SPCS2: variants seen among roughly 807,000 people sequenced by gnomAD.
The protein encoded by SPCS2 is SPase 25 kDa subunit.
In SPCS2, 3 loss-of-function variants were observed where a neutral mutation model predicts 22.3. That is an observed-to-expected ratio of 0.13 (90% CI 0.06 to 0.35). SPCS2 has a LOEUF of 0.35. Among genes scored for constraint, SPCS2 ranks in the 10% least tolerant of loss-of-function variants. The pLI is 1.00. For synonymous variants in SPCS2, 67 were observed against 97.2 expected, an observed-to-expected ratio of 0.69 and a Z score of 1.83; for missense variants, 169 against 280.9, an observed-to-expected ratio of 0.60 and a Z score of 2.85.
chr11:74,970,406 A>G lies in SPCS2; in HGVS notation c.494+707A>G, dbSNP rs76835022. Among the ~76,000 whole-genome samples the G allele has an allele frequency of 8.5e-5, 13 of 152,080 alleles. No homozygotes were observed. The East Asian group carries it at 2.5e-3, about 29-fold the overall frequency. ...GTTTTAGAACACTCATTTTATAGAT[A>G]AGAATACAGGCCCAAAGTTTAAATC... On this transcript the variant is annotated intron_variant, in intron 4 of 4. Transcript: ENST00000263672.
At chr11:74,953,726 C>G (rs1415434404) in intron 1 of SPCS2, among the ~76,000 whole-genome samples, 1 of 152,212 alleles carries the variant, frequency 6.6e-6, no homozygotes, top group East Asian at 1.9e-4. Flanking sequence ...CTTTCCGCCT[C>G]CATCACAGAA....
Position 74,949,411 on chromosome 11 carries a change from G to A in SPCS2, c.114+12G>A. ...GCTTGTTGGATAAGGTGAGGAGCCG[G>A]TTCTTGGGAACAGTTGAATCCTGGG... On this transcript the variant is annotated intron_variant, in intron 1 of 4. Transcript: ENST00000263672. The A allele has an allele frequency of 1.3e-6, 2 of 1,549,506 alleles. No individual in the cohort carries two copies. Among genetic ancestry groups the A allele is most frequent in the Non-Finnish European group, 1.7e-6 (2 of 1,145,272 alleles).
chr11:74,955,851 AATATATATATAT>A (rs60855711), intron 1 of SPCS2, among the ~76,000 whole-genome samples: 3,152 of 55,614 alleles, frequency 0.057, 370 homozygotes, highest in African/African-American at 0.14. Flanking sequence ...TACTAATTAA[AATATATATATAT>A]ATATATATAT....
At chr11:74,950,143 T>A (rs1249938244) in intron 1 of SPCS2, among the ~76,000 whole-genome samples, 1 of 152,216 alleles carries the variant, frequency 6.6e-6, no homozygotes, top group African/African-American at 2.4e-5. Flanking sequence ...TTGGCCTTTC[T>A]TGCTCTTTGC....
At chr11:74,949,427 G>A in intron 1 of SPCS2, 28 bp downstream of exon 1, 1 of 1,541,812 alleles carries the variant, frequency 6.5e-7, no homozygotes, top group Non-Finnish European at 8.8e-7. Context: ...GGGAACAGTT[G>A]AATCCTGGGG....
At chr11:74,953,961 A>G (rs1948461588) in intron 1 of SPCS2, among the ~76,000 whole-genome samples, 4 of 152,196 alleles carry the variant, frequency 2.6e-5, no homozygotes, top group African/African-American at 7.2e-5. Flanking sequence ...ATCTTAAAGC[A>G]CAGCTTTAAT....
chr11:74,955,245 G>A (rs1948471092), intron 1 of SPCS2, among the ~76,000 whole-genome samples: 1 of 152,122 alleles, frequency 6.6e-6, no homozygotes, highest in Non-Finnish European at 1.5e-5. Context: ...CAAGAGAACT[G>A]AAAATGTGTG....
chr11:74,976,079 T>C (rs757922402), intron 4 of SPCS2, among the ~76,000 whole-genome samples: 7 of 152,094 alleles, frequency 4.6e-5, no homozygotes, highest in South Asian at 4.2e-4. Flanking sequence ...TGGAGCTAGA[T>C]TGATTACAGA....
chr11:74,976,486 T>A (rs1948614661), intron 4 of SPCS2, among the ~76,000 whole-genome samples: 1 of 152,170 alleles, frequency 6.6e-6, no homozygotes, highest in African/African-American at 2.4e-5. Flanking sequence ...AGTATAGTGT[T>A]AACAAATAAG....
At chr11:74,965,637 T>TA in intron 2 of SPCS2, 126 bp from the exon 3 acceptor site, 1 of 771,410 alleles carries the variant, frequency 1.3e-6, no homozygotes. Context: ...TTTGGTGTGG[T>TA]AAAATCCCAA....
rs1555115679 is a variant in SPCS2 at position 74,955,851 on chromosome 11, A to AATATACATATATAT, written c.114+6457_114+6458insCATATATATATATA. ...TACTATTACTTTAATTACTAATTAA[A>AATATACATATATAT]ATATATATATATATATATATATATA... On this transcript the variant is annotated intron_variant, in intron 1 of 4. Coordinates refer to ENST00000263672, the MANE Select transcript of SPCS2 (RefSeq NM_014752.3). Among the ~76,000 whole-genome samples, 28 of 55,594 alleles carry AATATACATATATAT rather than the reference A, an allele frequency of 5.0e-4. 1 individual carries two copies. Among genetic ancestry groups the AATATACATATATAT allele is most frequent in the African/African-American group, 1.3e-3 (28 of 21,584 alleles). 36.5% of individuals were successfully genotyped at this position (55,594 alleles called of 152,430 possible).
chr11:74,953,175 G>A (rs1053451407), intron 1 of SPCS2, among the ~76,000 whole-genome samples: 10 of 151,646 alleles, frequency 6.6e-5, no homozygotes, highest in African/African-American at 2.4e-4. Context: ...GAATAGAGAG[G>A]CTTTTGCTGT....
chr11:74,972,679 AG>A (rs1948591582), intron 4 of SPCS2, among the ~76,000 whole-genome samples: 1 of 150,640 alleles, frequency 6.6e-6, no homozygotes, highest in Non-Finnish European at 1.5e-5. Flanking sequence ...CCATCCACAA[AG>A]TCCCCTATAA....
intron 1 of SPCS2, among the ~76,000 whole-genome samples, chr11:74,959,827 C>T (rs1271794373): frequency 6.6e-6 from 1 of 152,168 alleles, no homozygotes; most frequent in Admixed American, 6.5e-5. Flanking sequence ...GACTACATAT[C>T]CTTCAGACCT....
chr11:74,967,499 C>T (rs1327033069), intron 3 of SPCS2, among the ~76,000 whole-genome samples: 1 of 152,146 alleles, frequency 6.6e-6, no homozygotes, highest in Admixed American at 6.5e-5. Context: ...CCTGTAATCC[C>T]AACACTTTGA....
At chr11:74,958,790 C>T (rs1195486097) in intron 1 of SPCS2, among the ~76,000 whole-genome samples, 1 of 152,154 alleles carries the variant, frequency 6.6e-6, no homozygotes, top group Non-Finnish European at 1.5e-5. Context: ...CCTCAGAATA[C>T]TCCCTTTCAG....
intron 4 of SPCS2, among the ~76,000 whole-genome samples, chr11:74,975,149 C>G (rs79149168): frequency 0.025 from 3,779 of 152,120 alleles, 138 homozygotes; most frequent in African/African-American, 0.087. Context: ...GGCTCTCATC[C>G]TCTCCCACTT....
intron 4 of SPCS2, among the ~76,000 whole-genome samples, chr11:74,974,137 G>T (rs1948602870): frequency 6.6e-6 from 1 of 150,840 alleles, no homozygotes; most frequent in South Asian, 2.1e-4. Context: ...AGGCTTCTCA[G>T]ATACCACACA....
At position 74,977,158 on chromosome 11, in the gene SPCS2, G is replaced by A; in HGVS notation, c.*115G>A. The A allele has an allele frequency of 7.6e-7, 1 of 1,316,130 alleles. No individual in the cohort carries two copies. The highest frequency in any genetic ancestry group is 1.0e-6 in the Non-Finnish European group (1 of 989,940). The allele number at this position is 1,316,130 out of a possible 1,614,324, so 81.5% of individuals were successfully genotyped here. Reference sequence around the variant, plus strand: ...AAGTAAGAAATGTTAAAAAGTCCCTGTTTTGTCCTGAAATTTTAGTCTATT... The same window carrying A: ...AAGTAAGAAATGTTAAAAAGTCCCTATTTTGTCCTGAAATTTTAGTCTATT... On this transcript the variant is annotated 3_prime_UTR_variant, in exon 5 of 5. Transcript: ENST00000263672.
Sources: gnomAD v4.1 joint callset for allele counts (sites outside exome capture counted in the v4.1 genomes callset) on GRCh38, gnomAD v4.1.1 for gene constraint, MANE v1.5 for transcripts, NCBI Gene and HGNC (gene_info 2026-07-23, HGNC 2026-07-21) for gene names.